PSD3: variants seen among roughly 807,000 people sequenced by gnomAD.
PSD3 encodes pleckstrin and Sec7 domain containing 3.
A neutral mutation model predicts 105.5 loss-of-function variants in PSD3; 49 were observed. The observed-to-expected ratio is 0.46, with a 90% CI of 0.37 to 0.59. The LOEUF (loss-of-function observed/expected upper bound fraction) is 0.59. PSD3 is among the 20% of genes least tolerant of loss of function. The pLI is 0.00. For missense variants in PSD3, 1,561 were observed against 1,263.8 expected (o/e 1.24, Z -3.57); for synonymous variants, 557 against 457.8 (o/e 1.22, Z -2.77).
At chr8:18,602,526 A>C (rs995680178) in intron 11 of PSD3, among the ~76,000 whole-genome samples, 1 of 152,126 alleles carries the variant, frequency 6.6e-6, no homozygotes, top group Non-Finnish European at 1.5e-5. Context: ...TAATCCTCCC[A>C]AAAAGATAAC....
Position 18,575,128 on chromosome 8 carries a change from T to C in PSD3, c.2639A>G (p.Gln880Arg). 2 of 1,611,510 alleles carry C rather than the reference T, an allele frequency of 1.2e-6. No individual in the cohort carries two copies. Among genetic ancestry groups the C allele is most frequent in the African/African-American group, 1.3e-5 (1 of 74,872 alleles). The change falls in exon 13 of 16, where the codon CAG becomes CGG. Residue 880 changes from glutamine to arginine, a missense_variant and splice_region_variant. Physicochemically the swap from Gln to Arg is conservative, Grantham distance 43. Coordinates refer to ENST00000327040, the MANE Select transcript of PSD3 (RefSeq NM_015310.4). Reference protein sequence around the residue: ...ADWRVLLFQTQSPEEMQGWIN... With the variant: ...ADWRVLLFQTRSPEEMQGWIN... ...TCAAATAAAAACCAACAAAACATAC[T>C]GAGTTTGAAAAAGCAAGACCCTCCA...
chr8:18,739,561 G>A (rs895704372), intron 9 of PSD3, among the ~76,000 whole-genome samples: 4 of 152,050 alleles, frequency 2.6e-5, no homozygotes, highest in Admixed American at 2.6e-4. Flanking sequence ...GTGTCTAATA[G>A]CTAAAGATAA....
rs529654950 is a variant in PSD3 at position 18,577,588 on chromosome 8, C to G, written c.2482-2303G>C. Among the ~76,000 whole-genome samples, 4 of 135,108 alleles carry G rather than the reference C, an allele frequency of 3.0e-5. No homozygotes were observed. In the East Asian group the frequency reaches 9.0e-4, roughly 30 times the overall value. The allele number at this position is 135,108 out of a possible 152,430, so 88.6% of individuals were successfully genotyped here. A position where few individuals can be genotyped will look rare whatever the true frequency, so the allele number is the denominator to read the frequency against. ...CTATCATCTTCCTTATAACTATGTG[C>G]CACTTATTACTTAAAATGTTCTTCT... is the stretch of plus-strand genomic sequence containing the variant. On this transcript the variant is annotated intron_variant, in intron 12 of 15. Transcript: ENST00000327040.
intron 9 of PSD3, among the ~76,000 whole-genome samples, chr8:18,697,700 C>A (rs1479723381): frequency 6.6e-6 from 1 of 152,310 alleles, no homozygotes; most frequent in Non-Finnish European, 1.5e-5. Context: ...CGTGAATTAC[C>A]TCTGGGCAAG....
intron 1 of PSD3, among the ~76,000 whole-genome samples, chr8:19,045,380 C>T (rs776760875): frequency 2.1e-4 from 32 of 152,012 alleles, no homozygotes; most frequent in Admixed American, 4.6e-4. Flanking sequence ...CTGTATATCC[C>T]TCTCATATAT....
intron 1 of PSD3, among the ~76,000 whole-genome samples, chr8:19,028,325 G>T (rs1002996584): frequency 8.7e-6 from 1 of 114,424 alleles, no homozygotes; most frequent in Non-Finnish European, 1.6e-5. Flanking sequence ...GGAGTTGGAA[G>T]ATTGTGAAGA....
intron 8 of PSD3, among the ~76,000 whole-genome samples, chr8:18,776,120 T>C (rs1808046354): frequency 2.0e-5 from 3 of 151,982 alleles, no homozygotes; most frequent in South Asian, 2.1e-4. Flanking sequence ...CCTCAAAGTA[T>C]GTTCTTGGAG....
At chr8:18,970,405 C>A (rs958303712) in intron 1 of PSD3, among the ~76,000 whole-genome samples, 1 of 149,832 alleles carries the variant, frequency 6.7e-6, no homozygotes, top group Admixed American at 6.7e-5. Flanking sequence ...TACCGGCAAA[C>A]CAACATTCCT....
Position 18,867,677 on chromosome 8 carries a change from C to T in PSD3, c.1631G>A (p.Gly544Glu), listed in dbSNP as rs1181976229. The change falls in exon 4 of 16, where the codon GGA (glycine) becomes GAA (glutamate). Residue 544 changes from glycine to glutamate, a missense_variant. Transcript: ENST00000327040. ...TGAATGAGAATGGGACGAGTACCTTCCCCAGAAAGCAATCTCCGGGGTGCC... is the reference window on the plus strand; with the variant it reads ...TGAATGAGAATGGGACGAGTACCTTTCCCAGAAAGCAATCTCCGGGGTGCC... ...TKGTPEIAFW[G>E]SNAGVKTTRL... is the part of the protein sequence containing the mutation. 3 of 1,607,268 alleles carry T rather than the reference C, an allele frequency of 1.9e-6. No homozygotes were observed. The highest frequency in any genetic ancestry group is 2.7e-5 in the African/African-American group (2 of 74,838).
intron 1 of PSD3, among the ~76,000 whole-genome samples, chr8:19,031,626 G>T (rs533471550): frequency 4.6e-5 from 7 of 152,060 alleles, no homozygotes; most frequent in Admixed American, 1.3e-4. Context: ...GGACTAAAAG[G>T]CTCTCTAATA....
At chr8:18,586,504 A>G (rs916730643) in intron 12 of PSD3, among the ~76,000 whole-genome samples, 5 of 152,174 alleles carry the variant, frequency 3.3e-5, no homozygotes, top group Non-Finnish European at 1.5e-5. Context: ...TGAGCAACTA[A>G]TAATGAAATG....
intron 14 of PSD3, among the ~76,000 whole-genome samples, chr8:18,564,574 A>G (rs1184220497): frequency 6.6e-6 from 1 of 150,958 alleles, no homozygotes; most frequent in Non-Finnish European, 1.5e-5. Context: ...GGTTGCAGTG[A>G]GCCAAGATGG....
chr8:18,842,521 C>A (rs13439217), intron 4 of PSD3, among the ~76,000 whole-genome samples: 2 of 152,160 alleles, frequency 1.3e-5, no homozygotes, highest in African/African-American at 4.8e-5. Flanking sequence ...ATCACAAGGT[C>A]AGGAGATCGA....
At chr8:18,671,496 A>T (rs1203935820) in intron 9 of PSD3, among the ~76,000 whole-genome samples, 2 of 152,198 alleles carry the variant, frequency 1.3e-5, no homozygotes, top group Non-Finnish European at 2.9e-5. Flanking sequence ...ATCTGAGTGA[A>T]TCACTTTCTT....
chr8:18,759,902 G>A (rs1806368512), intron 9 of PSD3, among the ~76,000 whole-genome samples: 1 of 149,846 alleles, frequency 6.7e-6, no homozygotes, highest in South Asian at 2.1e-4. Context: ...GAAAGGCCCT[G>A]TGTCTTTTCT....
intron 2 of PSD3, among the ~76,000 whole-genome samples, chr8:18,915,308 C>T (rs1820512120): frequency 6.6e-6 from 1 of 152,002 alleles, no homozygotes; most frequent in Admixed American, 6.6e-5. Flanking sequence ...TATATAACAC[C>T]AAAAACACAG....
intron 11 of PSD3, among the ~76,000 whole-genome samples, chr8:18,629,154 T>G (rs1044678375): frequency 6.6e-6 from 1 of 151,994 alleles, no homozygotes; most frequent in Non-Finnish European, 1.5e-5. Context: ...GTATTAATAT[T>G]AGACAAAGTA....
At chr8:18,680,065 G>T (rs1462445861) in intron 9 of PSD3, among the ~76,000 whole-genome samples, 1 of 152,204 alleles carries the variant, frequency 6.6e-6, no homozygotes, top group African/African-American at 2.4e-5. Flanking sequence ...TTTGGCAAGA[G>T]ATGGGGAAGA....
intron 2 of PSD3, among the ~76,000 whole-genome samples, chr8:18,892,680 C>T (rs1366748497): frequency 6.8e-6 from 1 of 147,438 alleles, no homozygotes; most frequent in Non-Finnish European, 1.5e-5. Context: ...GCTGGAGTGC[C>T]GTGGCGTCAT....
Sources: gnomAD v4.1 joint callset for allele counts (sites outside exome capture counted in the v4.1 genomes callset) on GRCh38, gnomAD v4.1.1 for gene constraint, MANE v1.5 for transcripts, NCBI Gene and HGNC (gene_info 2026-07-23, HGNC 2026-07-21) for gene names.